LRRC37A2: variants seen among roughly 807,000 people sequenced by gnomAD.
The protein encoded by LRRC37A2 is leucine rich repeat containing 37 member A2, also known as leucine-rich repeat-containing protein 37A2.
A neutral mutation model predicts 68.8 loss-of-function variants in LRRC37A2; 9 were observed. That is an observed-to-expected ratio of 0.13 (90% CI 0.08 to 0.23). The LOEUF is 0.23. LRRC37A2 is among the 10% of genes least tolerant of loss of function. The probability of loss-of-function intolerance (pLI) is 1.00; values close to 1 mark genes in which losing one functional copy is unlikely to be tolerated. For missense variants in LRRC37A2, 168 were observed against 950.4 expected, an observed-to-expected ratio of 0.18 and a Z score of 10.82; for synonymous variants, 63 against 367.6, an observed-to-expected ratio of 0.17 and a Z score of 9.48.
the LRRC37A2 span, among the ~76,000 whole-genome samples, chr17:46,498,570 A>G: frequency 1.4e-5 from 2 of 141,248 alleles, no homozygotes; most frequent in South Asian, 4.3e-4. Context: ...AGAATTCTAT[A>G]TCCAGCAAAA....
the LRRC37A2 span, among the ~76,000 whole-genome samples, chr17:46,753,660 C>T: frequency 2.0e-5 from 3 of 151,960 alleles, no homozygotes; most frequent in East Asian, 5.8e-4. Context: ...TTCCCCAACC[C>T]TCATCCCTTT....
At chr17:46,952,247 C>G in the LRRC37A2 span, among the ~76,000 whole-genome samples, 13 of 152,322 alleles carry the variant, frequency 8.5e-5, no homozygotes, top group African/African-American at 3.1e-4. Context: ...TCAGCGAGGG[C>G]TGCCTCCTCC....
the LRRC37A2 span, among the ~76,000 whole-genome samples, chr17:46,913,786 G>T: frequency 1.3e-5 from 2 of 152,118 alleles, no homozygotes; most frequent in African/African-American, 4.8e-5. Context: ...TTTTGACAGA[G>T]TCTCACTCTG....
chr17:46,809,346 T>C, the LRRC37A2 span, among the ~76,000 whole-genome samples: 3 of 152,150 alleles, frequency 2.0e-5, no homozygotes, highest in African/African-American at 7.2e-5. Flanking sequence ...CCTGCGAGAT[T>C]GGTTTTCCTT....
chr17:46,916,589 A>C, the LRRC37A2 span, among the ~76,000 whole-genome samples: 3 of 152,368 alleles, frequency 2.0e-5, no homozygotes, highest in African/African-American at 2.4e-5. Flanking sequence ...ATCACTAAAG[A>C]AGCACAGGAA....
chr17:46,775,108 G>A, the LRRC37A2 span, among the ~76,000 whole-genome samples: 4 of 152,238 alleles, frequency 2.6e-5, no homozygotes, highest in African/African-American at 9.6e-5. Context: ...GTACACAAAA[G>A]CTTCTGGGCT....
At chr17:46,978,590 G>A in the LRRC37A2 span, 135 of 1,529,040 alleles carry the variant, frequency 8.8e-5, no homozygotes, top group Non-Finnish European at 1.1e-4. Flanking sequence ...GCGAGGGTCC[G>A]GGTCTCCGGG....
At chr17:46,874,314 C>A in the LRRC37A2 span, among the ~76,000 whole-genome samples, 4 of 152,176 alleles carry the variant, frequency 2.6e-5, no homozygotes, top group Non-Finnish European at 5.9e-5. Flanking sequence ...CATTTGAGAA[C>A]CATCATGTGT....
chr17:46,816,137 A>G, the LRRC37A2 span, among the ~76,000 whole-genome samples: 4 of 43,440 alleles, frequency 9.2e-5, no homozygotes, highest in Non-Finnish European at 1.6e-4. Flanking sequence ...ACACTCACAC[A>G]CACGCACGCA....
At chr17:46,896,452 A>AAGAAAGAAAAAGAAAGAAAGAAAGAAAG in the LRRC37A2 span, among the ~76,000 whole-genome samples, 2 of 65,828 alleles carry the variant, frequency 3.0e-5, no homozygotes, top group African/African-American at 1.0e-4. Flanking sequence ...GAAAGAAAGA[A>AAGAAAGAAAAAGAAAGAAAGAAAGAAAG]AAAGAAAGAA....
At chr17:46,569,285 G>A in the LRRC37A2 span, among the ~76,000 whole-genome samples, 1 of 150,126 alleles carries the variant, frequency 6.7e-6, no homozygotes, top group Non-Finnish European at 1.5e-5. Flanking sequence ...TTAGAATAAG[G>A]ACTAGGTGCT....
chr17:46,970,481 A>G, the LRRC37A2 span, among the ~76,000 whole-genome samples: 1 of 145,356 alleles, frequency 6.9e-6, no homozygotes, highest in East Asian at 2.2e-4. Context: ...CACAGGTTGC[A>G]GCAAGCCGAG....
the LRRC37A2 span, among the ~76,000 whole-genome samples, chr17:47,034,531 TAAC>T: frequency 3.3e-5 from 5 of 152,106 alleles, no homozygotes; most frequent in Non-Finnish European, 7.4e-5. Flanking sequence ...GGAGGAAAGA[TAAC>T]AAACTTTGCT....
At chr17:46,937,981 C>T in the LRRC37A2 span, 1 of 159,252 alleles carries the variant, frequency 6.3e-6, no homozygotes, top group African/African-American at 2.4e-5. Context: ...GGTTCTGTCA[C>T]CTTAGCCTCG....
the LRRC37A2 span, chr17:46,768,833 C>A: frequency 1.9e-6 from 3 of 1,605,344 alleles, no homozygotes; most frequent in Middle Eastern, 1.9e-4. The surrounding 1 kb of genome is among the most constrained non-coding windows in gnomAD (Gnocchi z 5.0). Context: ...GCCAACAGAC[C>A]GACCCCACGA....
the LRRC37A2 span, chr17:47,017,246 C>A: frequency 6.2e-7 from 1 of 1,611,780 alleles, no homozygotes. Flanking sequence ...GGCTGCGTTT[C>A]TGGGGCCCAT....
chr17:46,989,626 A>G, the LRRC37A2 span, among the ~76,000 whole-genome samples: 1 of 152,186 alleles, frequency 6.6e-6, no homozygotes, highest in East Asian at 1.9e-4. Context: ...ATACCCTTGT[A>G]TCGTCACTCC....
At chr17:46,974,326 C>T in the LRRC37A2 span, among the ~76,000 whole-genome samples, 1 of 152,192 alleles carries the variant, frequency 6.6e-6, no homozygotes, top group Non-Finnish European at 1.5e-5. Flanking sequence ...CAATAGACAC[C>T]GGTGGAATGA....
chr17:46,678,529 G>A, the LRRC37A2 span, among the ~76,000 whole-genome samples: 1 of 150,774 alleles, frequency 6.6e-6, no homozygotes, highest in Non-Finnish European at 1.5e-5. Flanking sequence ...TAAAGGTCTG[G>A]TGCGTGTATT....
Sources: gnomAD v4.1 joint callset for allele counts (sites outside exome capture counted in the v4.1 genomes callset) on GRCh38, gnomAD v4.1.1 for gene constraint, Gnocchi (gnomAD v3.1) non-coding constraint, MANE v1.5 for transcripts, NCBI Gene and HGNC (gene_info 2026-07-23, HGNC 2026-07-21) for gene names.